NSD1: variants seen among roughly 807,000 people sequenced by gnomAD.
NSD1 encodes nuclear receptor binding SET domain protein 1, also known as histone-lysine N-methyltransferase, H3 lysine-36 specific.
A neutral mutation model predicts 242.7 loss-of-function variants in NSD1; 26 were observed. The observed-to-expected ratio is 0.11, with a 90% CI of 0.08 to 0.15. The LOEUF is 0.15. Ranked by LOEUF, NSD1 falls within the 10% of genes least tolerant of loss-of-function variation. The pLI, the probability that NSD1 is intolerant of heterozygous loss-of-function variation, is 1.00. For missense variants in NSD1, 2,495 were observed against 3,272.8 expected (o/e 0.76, Z 5.80); for synonymous variants, 1,106 against 1,178.1 (o/e 0.94, Z 1.25).
At chr5:177,234,392 C>T (rs1765284526) in intron 5 of NSD1, among the ~76,000 whole-genome samples, 1 of 152,094 alleles carries the variant, frequency 6.6e-6, no homozygotes, top group South Asian at 2.1e-4. Flanking sequence ...TCATTCATAA[C>T]AGAAAAAGAA....
intron 2 of NSD1, among the ~76,000 whole-genome samples, chr5:177,173,217 G>A (rs576858855): frequency 1.3e-5 from 2 of 149,094 alleles, no homozygotes; most frequent in African/African-American, 4.9e-5. Context: ...GCGTGAACCC[G>A]GGAGGCGGAG....
intron 21 of NSD1, 80 bp from the exon 22 acceptor site, chr5:177,291,874 C>A: frequency 7.8e-7 from 1 of 1,287,008 alleles, no homozygotes; most frequent in Non-Finnish European, 1.1e-6. Context: ...GAGAATGAGG[C>A]TCAGAGAGGG....
chr5:177,160,523 G>A (rs1480300379), intron 2 of NSD1, among the ~76,000 whole-genome samples: 5 of 151,226 alleles, frequency 3.3e-5, no homozygotes, highest in Non-Finnish European at 5.9e-5. Context: ...GGCTGGTCTC[G>A]AACTCCTGAC....
Position 177,294,338 on chromosome 5 carries a change from G to A in NSD1, c.6970G>A (p.Gly2324Arg), listed in dbSNP as rs761745615. The A allele has an allele frequency of 1.2e-6, 2 of 1,614,224 alleles. No individual in the cohort carries two copies. The highest frequency in any genetic ancestry group is 2.2e-5 in the South Asian group (2 of 91,084). The change falls in exon 23 of 23, where the codon GGA becomes AGA. Residue 2324 changes from glycine (G) to arginine (R), a missense_variant. By Grantham distance (125) the Gly-to-Arg change is moderately radical. Transcript: ENST00000439151. ...RPLDRPPAVA[G>R]PRPQLSDKPS... ...ACTGGACAGGCCACCAGCAGTGGCA[G>A]GACCAAGACCCCAGCTAAGCGACAA... is the stretch of plus-strand genomic sequence containing the variant.
At chr5:177,173,537 G>A (rs1445981115) in intron 2 of NSD1, among the ~76,000 whole-genome samples, 4 of 131,014 alleles carry the variant, frequency 3.1e-5, no homozygotes, top group South Asian at 2.7e-4. Flanking sequence ...GCAATGGCAC[G>A]ATCTCGGCTC....
At chr5:177,287,683 C>CG (rs1562300066) in intron 20 of NSD1, among the ~76,000 whole-genome samples, 1 of 152,008 alleles carries the variant, frequency 6.6e-6, no homozygotes, top group African/African-American at 2.4e-5. Flanking sequence ...AATAGAACCA[C>CG]GAAAGATTCA....
chr5:177,265,093 A>C lies in NSD1; in HGVS notation c.5147-2469A>C, dbSNP rs1005074207. On this transcript the variant is annotated intron_variant, in intron 14 of 22. Coordinates refer to ENST00000439151, the MANE Select transcript of NSD1 (RefSeq NM_022455.5). ...GATAGCTTCCTGAAACATGTGAAGG[A>C]AAATGATCAGAAAAAGAAGCCAAAG... is the stretch of plus-strand genomic sequence containing the variant. The C allele has an allele frequency of 2.0e-5, 15 of 752,490 alleles. No homozygotes were observed. In the Admixed American group the frequency reaches 2.6e-4, roughly 13 times the overall value. 46.6% of individuals were successfully genotyped at this position (752,490 alleles called of 1,614,324 possible).
intron 3 of NSD1, among the ~76,000 whole-genome samples, chr5:177,193,679 A>AT (rs1366264521): frequency 6.6e-6 from 1 of 152,150 alleles, no homozygotes; most frequent in East Asian, 1.9e-4. Context: ...TGTTGGTGAG[A>AT]TTCAGAAAAA....
intron 2 of NSD1, among the ~76,000 whole-genome samples, chr5:177,138,151 T>C (rs1756503000): frequency 1.3e-5 from 2 of 151,884 alleles, no homozygotes; most frequent in African/African-American, 4.8e-5. Context: ...AGATAGTAGG[T>C]TACATGTCTA....
Position 177,294,663 on chromosome 5 carries a change from T to C in NSD1, c.7295T>C (p.Leu2432Pro), listed in dbSNP as rs2127282413. Reference sequence around the variant, plus strand: ...GTACTATCAGCTGTGGTCCAGACCCTTGTAGCTAAAGAAAAAGCACTGAGG... The same window carrying C: ...GTACTATCAGCTGTGGTCCAGACCCCTGTAGCTAAAGAAAAAGCACTGAGG... ...EKVLSAVVQT[L>P]VAKEKALRPV... The change falls in exon 23 of 23, where the codon CTT (leucine) becomes CCT (proline). Residue 2432 changes from leucine to proline, a missense_variant. By Grantham distance (98) the Leu-to-Pro change is moderately conservative. This residue lies in a region of NSD1 where 475 missense variants were observed against 563.7 expected (regional missense o/e 0.84). Coordinates refer to ENST00000439151, the MANE Select transcript of NSD1 (RefSeq NM_022455.5). 6.2e-7 allele frequency: 1 copy of C among 1,614,208 alleles called. No individual in the cohort carries two copies. Among genetic ancestry groups the C allele is most frequent in the East Asian group, 2.2e-5 (1 of 44,884 alleles).
chr5:177,289,944 C>T (rs1581551821), intron 21 of NSD1, among the ~76,000 whole-genome samples: 1 of 151,608 alleles, frequency 6.6e-6, no homozygotes, highest in African/African-American at 2.4e-5. Flanking sequence ...TCTCCTGCCT[C>T]AGCCTCCTGA....
chr5:177,262,340 G>A (rs1290671822), intron 14 of NSD1, among the ~76,000 whole-genome samples: 3 of 144,616 alleles, frequency 2.1e-5, no homozygotes, highest in Non-Finnish European at 4.5e-5. Flanking sequence ...GGTGGTGCAT[G>A]CCTGTAGTCC....
At position 177,238,604 on chromosome 5, in the gene NSD1, A is replaced by G; in HGVS notation, c.4192+97A>G. On this transcript the variant is annotated intron_variant, in intron 7 of 22. Coordinates refer to ENST00000439151, the MANE Select transcript of NSD1 (RefSeq NM_022455.5). This position sits in a 1 kb window ranked among gnomAD's most constrained non-coding sequence, Gnocchi z 4.6. ...GATGTAAAGCCAACATTGTATCTAT[A>G]TACAATAAACTACCCCCTTTTGTCC... is the stretch of plus-strand genomic sequence containing the variant. 4 of 1,403,864 alleles carry G rather than the reference A, an allele frequency of 2.8e-6. No individual in the cohort carries two copies. The highest frequency in any genetic ancestry group is 4.0e-6 in the Non-Finnish European group (4 of 1,003,788). The allele number at this position is 1,403,864 out of a possible 1,614,324, so 87.0% of individuals were successfully genotyped here.
chr5:177,214,555 C>T (rs1206262669), intron 5 of NSD1, among the ~76,000 whole-genome samples: 1 of 152,008 alleles, frequency 6.6e-6, no homozygotes, highest in Non-Finnish European at 1.5e-5. Flanking sequence ...CTTTAGACAT[C>T]TCATGTAAGT....
At chr5:177,151,961 C>T (rs1259581339) in intron 2 of NSD1, among the ~76,000 whole-genome samples, 4 of 151,736 alleles carry the variant, frequency 2.6e-5, no homozygotes, top group African/African-American at 7.3e-5. Flanking sequence ...CCCGGGTTCA[C>T]GCCATTCTCC....
At chr5:177,179,127 A>G (rs1424526817) in intron 2 of NSD1, among the ~76,000 whole-genome samples, 5 of 152,168 alleles carry the variant, frequency 3.3e-5, no homozygotes, top group African/African-American at 9.7e-5. Context: ...GTGTGATGGA[A>G]CTTGGTCATA....
At chr5:177,161,145 A>G (rs1346291332) in intron 2 of NSD1, among the ~76,000 whole-genome samples, 4 of 152,082 alleles carry the variant, frequency 2.6e-5, no homozygotes, top group Admixed American at 1.3e-4. Flanking sequence ...GCACTTTAGG[A>G]GACTGAGGTG....
intron 21 of NSD1, 152 bp from the exon 22 acceptor site, chr5:177,291,802 C>CTGTGA: frequency 1.3e-6 from 1 of 751,702 alleles, no homozygotes; most frequent in East Asian, 2.7e-5. Flanking sequence ...TGCTACGTAT[C>CTGTGA]TGTGATGTAC....
chr5:177,284,320 G>T (rs879809015), intron 20 of NSD1, among the ~76,000 whole-genome samples: 1 of 152,098 alleles, frequency 6.6e-6, no homozygotes. Flanking sequence ...TTGCTCTGTT[G>T]CCCAGGCTGC....
Sources: gnomAD v4.1 joint callset for allele counts (sites outside exome capture counted in the v4.1 genomes callset) on GRCh38, gnomAD v4.1.1 for gene constraint, gnomAD v4.1.1 regional missense constraint, Gnocchi (gnomAD v3.1) non-coding constraint, MANE v1.5 for transcripts, NCBI Gene and HGNC (gene_info 2026-07-23, HGNC 2026-07-21) for gene names.